The following PREP variants were observed in gnomAD, a reference collection of about 807,000 sequenced individuals.
The protein encoded by PREP is dJ355L5.1 (prolyl endopeptidase).
In PREP, 29 loss-of-function variants were observed where a neutral mutation model predicts 87.6. The ratio of observed to expected loss-of-function variants is 0.33; its 90% CI spans 0.25 to 0.45. The LOEUF is 0.45. Ranked by LOEUF, PREP falls within the 20% of genes least tolerant of loss-of-function variation. The pLI, the probability that PREP is intolerant of heterozygous loss-of-function variation, is 1.00. For missense variants in PREP, 695 were observed against 886.5 expected, an observed-to-expected ratio of 0.78 and a Z score of 2.74; for synonymous variants, 337 against 328.6, an observed-to-expected ratio of 1.03 and a Z score of -0.28.
chr6:105,320,524 GC>G lies in PREP; in HGVS notation c.1317+3140del, dbSNP rs527369525. Among the ~76,000 whole-genome samples, 64 of 152,274 alleles carry G rather than the reference GC, an allele frequency of 4.2e-4. No individual in the cohort carries two copies. The Middle Eastern group carries it at 0.01, about 24-fold the overall frequency. ...TGGCTCATTTAGCCATGTTTCTTTGGCCCTTCTCCTTCTCCTTGGCTGGTCT... is the reference window on the plus strand; with the variant it reads ...TGGCTCATTTAGCCATGTTTCTTTGGCCTTCTCCTTCTCCTTGGCTGGTCT... On this transcript the variant is annotated intron_variant, in intron 10 of 14. Coordinates refer to ENST00000652536, the MANE Select transcript of PREP (RefSeq NM_002726.5).
chr6:105,359,416 TAAAG>T (rs1772186318), intron 6 of PREP, among the ~76,000 whole-genome samples: 1 of 152,332 alleles, frequency 6.6e-6, no homozygotes, highest in South Asian at 2.1e-4. Context: ...AAATGATGAT[TAAAG>T]AAGTAGAATT....
At chr6:105,289,419 T>C (rs1770250749) in intron 10 of PREP, among the ~76,000 whole-genome samples, 1 of 152,196 alleles carries the variant, frequency 6.6e-6, no homozygotes, top group African/African-American at 2.4e-5. Flanking sequence ...TATGCTGAAC[T>C]ACTAAACAAA....
At chr6:105,392,791 G>T (rs1461390760) in intron 2 of PREP, among the ~76,000 whole-genome samples, 1 of 152,102 alleles carries the variant, frequency 6.6e-6, no homozygotes, top group Non-Finnish European at 1.5e-5. Flanking sequence ...TGGCTAGGCT[G>T]GCCTCGAACT....
At chr6:105,307,905 G>T (rs570487464) in intron 10 of PREP, among the ~76,000 whole-genome samples, 1 of 152,060 alleles carries the variant, frequency 6.6e-6, no homozygotes, top group African/African-American at 2.4e-5. Context: ...GAGCCACTGC[G>T]CCCGGCCACA....
chr6:105,376,028 C>T (rs765749349), intron 4 of PREP, 97 bp downstream of exon 4: 3 of 1,435,670 alleles, frequency 2.1e-6, no homozygotes, highest in Non-Finnish European at 2.8e-6. Flanking sequence ...ATGGTCCACA[C>T]CCTGCCTGGC....
chr6:105,301,047 C>T (rs1009018289), intron 10 of PREP, among the ~76,000 whole-genome samples: 2 of 152,212 alleles, frequency 1.3e-5, no homozygotes, highest in Admixed American at 6.5e-5. Context: ...AAACAATCTT[C>T]AGTAATGCAT....
intron 10 of PREP, among the ~76,000 whole-genome samples, chr6:105,311,672 G>C (rs554117542): frequency 1.3e-5 from 2 of 152,112 alleles, no homozygotes; most frequent in African/African-American, 4.8e-5. Context: ...TCTTCACGTC[G>C]CTGCTACATT....
intron 1 of PREP, among the ~76,000 whole-genome samples, chr6:105,398,134 G>A (rs911306506): frequency 3.3e-5 from 5 of 152,200 alleles, no homozygotes; most frequent in African/African-American, 1.2e-4. Flanking sequence ...GAATGTTTCA[G>A]CTAGAGAGGA....
At chr6:105,398,883 G>A (rs576601892) in intron 1 of PREP, among the ~76,000 whole-genome samples, 3 of 152,206 alleles carry the variant, frequency 2.0e-5, no homozygotes, top group Admixed American at 6.5e-5. Context: ...TGAGGCAGGC[G>A]GATCACTTGA....
In PREP at chr6:105,377,413, T is replaced by C; in HGVS notation, c.227A>G (p.Tyr76Cys). 6.2e-7 allele frequency: 1 copy of C among 1,613,040 alleles called. No homozygotes were observed. The highest frequency in any genetic ancestry group is 8.5e-7 in the Non-Finnish European group (1 of 1,179,688). ...TTTTCCTTTCTTGAAGTGGCAACTA[T>C]ACTTGGGATAATCATATAGTTCAGT... ...RMTELYDYPK[Y>C]SCHFKKGKRY... is the part of the protein sequence containing the mutation. The change falls in exon 3 of 15, where the codon TAT becomes TGT. Residue 76 changes from tyrosine to cysteine, a missense_variant. Around this residue, in one of 5 missense-constraint regions of PREP, gnomAD observed 517 missense variants for 620.3 expected, o/e 0.83. Transcript: ENST00000652536.
intron 6 of PREP, among the ~76,000 whole-genome samples, chr6:105,366,080 C>A (rs2114699747): frequency 6.6e-6 from 1 of 152,084 alleles, no homozygotes; most frequent in African/African-American, 2.4e-5. Context: ...CATGGTGAAA[C>A]CCTGTCTCCA....
intron 2 of PREP, among the ~76,000 whole-genome samples, chr6:105,381,567 G>A (rs1772838176): frequency 6.6e-6 from 1 of 152,192 alleles, no homozygotes; most frequent in South Asian, 2.1e-4. Context: ...CTCATTCTAG[G>A]ATGTATTAAA....
chr6:105,386,618 A>G (rs1260149003), intron 2 of PREP, among the ~76,000 whole-genome samples: 1 of 152,226 alleles, frequency 6.6e-6, no homozygotes, highest in Non-Finnish European at 1.5e-5. Flanking sequence ...ATCTATTAGA[A>G]CTTAGCTGCT....
At chr6:105,341,821 C>T (rs1375110607) in intron 7 of PREP, among the ~76,000 whole-genome samples, 2 of 152,274 alleles carry the variant, frequency 1.3e-5, no homozygotes, top group Non-Finnish European at 2.9e-5. Flanking sequence ...CACACACGCC[C>T]TCCCAAGACT....
chr6:105,380,880 T>G (rs1178723434), intron 2 of PREP, among the ~76,000 whole-genome samples: 3 of 152,200 alleles, frequency 2.0e-5, no homozygotes, highest in Admixed American at 2.0e-4. Flanking sequence ...GCTCAACAGA[T>G]TGCTCAGTTC....
intron 9 of PREP, among the ~76,000 whole-genome samples, chr6:105,328,025 C>T (rs72946075): frequency 0.023 from 3,506 of 152,282 alleles, 72 homozygotes; most frequent in Middle Eastern, 0.048. Flanking sequence ...AAAACCACAA[C>T]TTAACAAGTG....
chr6:105,384,793 C>T (rs1334487282), intron 2 of PREP, among the ~76,000 whole-genome samples: 1 of 152,202 alleles, frequency 6.6e-6, no homozygotes, highest in Non-Finnish European at 1.5e-5. Context: ...CAAGACCCAT[C>T]TTTCTCTGCC....
At chr6:105,335,466 T>C (rs1771454276) in intron 7 of PREP, among the ~76,000 whole-genome samples, 1 of 152,226 alleles carries the variant, frequency 6.6e-6, no homozygotes, top group Non-Finnish European at 1.5e-5. Context: ...AATTCCACCA[T>C]AGAGTTCTGT....
chr6:105,385,799 C>T (rs1005582455), intron 2 of PREP, among the ~76,000 whole-genome samples: 3 of 152,132 alleles, frequency 2.0e-5, no homozygotes, highest in African/African-American at 4.8e-5. Flanking sequence ...CTCCAAATTA[C>T]AAGTCAGAAA....
Sources: allele counts gnomAD v4.1 joint callset (sites outside exome capture counted in the v4.1 genomes callset), GRCh38; gene constraint gnomAD v4.1.1; regional missense constraint gnomAD v4.1.1; transcripts MANE v1.5; gene names NCBI Gene and HGNC (gene_info 2026-07-23, HGNC 2026-07-21).